STAC: variants seen among roughly 807,000 people sequenced by gnomAD.
STAC encodes SH3 and cysteine-rich domain-containing protein.
Under a neutral mutation model 48.8 loss-of-function variants are expected in STAC, and 43 were observed. The observed-to-expected ratio is 0.88, with a 90% CI of 0.69 to 1.14. The LOEUF is 1.14. STAC is among the 50% of genes most tolerant of loss of function. The pLI is 0.00. For missense variants in STAC, 497 were observed against 504.0 expected (o/e 0.99, Z 0.13); for synonymous variants, 193 against 179.5 (o/e 1.07, Z -0.60).
At chr3:36,444,653 CT>C (rs1430727851) in intron 2 of STAC, among the ~76,000 whole-genome samples, 1 of 152,146 alleles carries the variant, frequency 6.6e-6, no homozygotes, top group East Asian at 1.9e-4. Context: ...GGGCAACCCC[CT>C]AGCCCCCACC....
At chr3:36,519,721 G>C (rs189758970) in intron 8 of STAC, among the ~76,000 whole-genome samples, 1 of 152,112 alleles carries the variant, frequency 6.6e-6, no homozygotes, top group Admixed American at 6.5e-5. Flanking sequence ...CATGACTCTC[G>C]TGCAATATAA....
chr3:36,383,395 T>C (rs1012505922), intron 1 of STAC, among the ~76,000 whole-genome samples: 2 of 152,164 alleles, frequency 1.3e-5, no homozygotes, highest in African/African-American at 2.4e-5. Context: ...TAAAGAACTG[T>C]CATGGACCTA....
chr3:36,513,728 A>G (rs985196174), intron 8 of STAC, among the ~76,000 whole-genome samples: 3 of 152,190 alleles, frequency 2.0e-5, no homozygotes, highest in Admixed American at 6.5e-5. Flanking sequence ...ATGTGATTAT[A>G]TAAGATAGCA....
intron 3 of STAC, among the ~76,000 whole-genome samples, chr3:36,483,642 G>A (rs1697717202): frequency 6.6e-6 from 1 of 152,186 alleles, no homozygotes. Context: ...TTCAGTCCTG[G>A]TGCCACATAT....
intron 6 of STAC, among the ~76,000 whole-genome samples, chr3:36,502,581 T>C (rs1698305833): frequency 6.6e-6 from 1 of 152,206 alleles, no homozygotes; most frequent in African/African-American, 2.4e-5. Context: ...CTGAACATTG[T>C]ATATGCACTT....
At chr3:36,515,314 G>A (rs9825477) in intron 8 of STAC, among the ~76,000 whole-genome samples, 18,751 of 152,142 alleles carry the variant, frequency 0.12, 1,581 homozygotes, top group East Asian at 0.26. Context: ...GCCTCAGAGA[G>A]TATAAACCAT....
At chr3:36,476,313 G>A (rs1362359301) in intron 2 of STAC, among the ~76,000 whole-genome samples, 2 of 152,228 alleles carry the variant, frequency 1.3e-5, no homozygotes, top group Admixed American at 6.5e-5. Flanking sequence ...GGACAGAGAA[G>A]AGTGGTGGGT....
chr3:36,511,593 T>C (rs561433159), intron 8 of STAC, among the ~76,000 whole-genome samples: 3 of 152,220 alleles, frequency 2.0e-5, no homozygotes, highest in Non-Finnish European at 4.4e-5. Flanking sequence ...AACTATTTAA[T>C]TGCCAGAGCA....
intron 6 of STAC, among the ~76,000 whole-genome samples, chr3:36,495,267 A>G (rs1698115906): frequency 1.3e-5 from 2 of 152,202 alleles, no homozygotes; most frequent in Admixed American, 6.5e-5. Flanking sequence ...TTCAAACTTC[A>G]TCTTCAGTAT....
intron 1 of STAC, among the ~76,000 whole-genome samples, chr3:36,392,658 T>G (rs913838987): frequency 6.6e-6 from 1 of 152,142 alleles, no homozygotes; most frequent in Non-Finnish European, 1.5e-5. Flanking sequence ...ATGAGCCCCA[T>G]GCCCGGCCCC....
rs1178508885 is a variant in STAC at position 36,492,005 on chromosome 3, G to GAAAAAAAAAAAAAAA, written c.688-1133_688-1119dup. On this transcript the variant is annotated intron_variant, in intron 5 of 10. Coordinates refer to ENST00000273183, the MANE Select transcript of STAC (RefSeq NM_003149.3). Reference sequence around the variant, plus strand: ...GTGACAGAGCAAGACTCCATCTCAAGAAAAAAAAAAAAAAAAAAAAAAAAA... The same window carrying GAAAAAAAAAAAAAAA: ...GTGACAGAGCAAGACTCCATCTCAAGAAAAAAAAAAAAAAAAAAAAAAAAAAAAAAAAAAAAAAAA... 3.1e-4 allele frequency among the ~76,000 whole-genome samples: 2 copies of GAAAAAAAAAAAAAAA among 6,430 alleles called. 1 individual carries two copies. Among genetic ancestry groups the GAAAAAAAAAAAAAAA allele is most frequent in the Non-Finnish European group, 5.3e-4 (2 of 3,804 alleles). 4.2% of individuals were successfully genotyped at this position (6,430 alleles called of 152,430 possible). A position where few individuals can be genotyped will look rare whatever the true frequency, so the allele number is the denominator to read the frequency against.
intron 5 of STAC, among the ~76,000 whole-genome samples, 194 bp downstream of exon 5, chr3:36,486,443 T>C (rs1434454513): frequency 6.6e-6 from 1 of 152,138 alleles, no homozygotes; most frequent in African/African-American, 2.4e-5. Flanking sequence ...CACCAAGGGA[T>C]TATTTTACTT....
intron 8 of STAC, among the ~76,000 whole-genome samples, chr3:36,517,879 A>C (rs1031101473): frequency 7.2e-5 from 11 of 152,042 alleles, no homozygotes; most frequent in African/African-American, 2.4e-4. Flanking sequence ...ACACACATAC[A>C]TGCACATACA....
intron 1 of STAC, among the ~76,000 whole-genome samples, chr3:36,400,729 A>T (rs1190690498): frequency 1.3e-5 from 2 of 152,214 alleles, no homozygotes; most frequent in African/African-American, 4.8e-5. Flanking sequence ...TGCTAGTAAT[A>T]CAGAGACCAG....
At chr3:36,439,188 G>A (rs1227035533) in intron 1 of STAC, among the ~76,000 whole-genome samples, 1 of 152,122 alleles carries the variant, frequency 6.6e-6, no homozygotes, top group African/African-American at 2.4e-5. Context: ...TGTGACCTTA[G>A]GCAAGTTGCT....
chr3:36,535,079 A>G (rs1336382144), intron 10 of STAC, among the ~76,000 whole-genome samples: 1 of 152,158 alleles, frequency 6.6e-6, no homozygotes, highest in Non-Finnish European at 1.5e-5. Flanking sequence ...GGCCATTTAC[A>G]TGATACTTTT....
Position 36,439,874 on chromosome 3 carries a change from TATCC to T in STAC, c.112-3486_112-3483del, listed in dbSNP as rs535685298. On this transcript the variant is annotated intron_variant, in intron 1 of 10. Transcript: ENST00000273183. ...CAAGGACACAGGACTCACTGCCCTG[TATCC>T]ATCAAGATACACTAGCTTATGCCTC... 3.3e-5 allele frequency among the ~76,000 whole-genome samples: 5 copies of T among 152,326 alleles called. No homozygotes were observed. The South Asian group carries it at 1.0e-3, about 32-fold the overall frequency.
intron 1 of STAC, among the ~76,000 whole-genome samples, chr3:36,437,410 A>T (rs943503744): frequency 1.3e-5 from 2 of 151,860 alleles, no homozygotes; most frequent in African/African-American, 4.8e-5. Context: ...GATTAAGAAA[A>T]TGTGGCACAT....
At chr3:36,433,973 T>C (rs1277719697) in intron 1 of STAC, among the ~76,000 whole-genome samples, 1 of 152,220 alleles carries the variant, frequency 6.6e-6, no homozygotes, top group Non-Finnish European at 1.5e-5. Flanking sequence ...CTGGAATGTA[T>C]TGTACTTAAT....
Sources: allele counts gnomAD v4.1 joint callset (sites outside exome capture counted in the v4.1 genomes callset), GRCh38; gene constraint gnomAD v4.1.1; transcripts MANE v1.5; gene names NCBI Gene and HGNC (gene_info 2026-07-23, HGNC 2026-07-21).